The following MYO3A variants were observed in gnomAD, a reference collection of about 807,000 sequenced individuals.
MYO3A encodes myosin-IIIa.
Under a neutral mutation model 192.7 loss-of-function variants are expected in MYO3A, and 180 were observed. The ratio of observed to expected loss-of-function variants is 0.93; its 90% CI spans 0.83 to 1.06. The LOEUF (loss-of-function observed/expected upper bound fraction) is 1.06. MYO3A is among the 50% of genes least tolerant of loss of function. MYO3A has a pLI of 0.00. For missense variants in MYO3A, 1,896 were observed against 1,905.0 expected (o/e 1.00, Z 0.09); for synonymous variants, 628 against 645.3 (o/e 0.97, Z 0.41).
Position 26,181,142 on chromosome 10 carries a change from G to T in MYO3A, c.4438+4297G>T, listed in dbSNP as rs78748285. 9.1e-3 allele frequency among the ~76,000 whole-genome samples: 1,381 copies of T among 152,168 alleles called. 33 individuals carry two copies. Among genetic ancestry groups the T allele is most frequent in the African/African-American group, 0.032 (1,327 of 41,544 alleles). On this transcript the variant is annotated intron_variant, in intron 31 of 34. Transcript: ENST00000642920. ...AGATACATACGAACAGAAAAGAAAT[G>T]GATGGATAATGCTTAAAATGTCTCT...
chr10:26,088,477 C>T, intron 15 of MYO3A, 72 bp downstream of exon 15: 1 of 1,390,682 alleles, frequency 7.2e-7, no homozygotes, highest in Non-Finnish European at 1.0e-6. Context: ...AGTAAAATGT[C>T]TTTCTCATTC....
intron 15 of MYO3A, among the ~76,000 whole-genome samples, chr10:26,095,721 G>T (rs2131554596): frequency 6.6e-6 from 1 of 152,280 alleles, no homozygotes; most frequent in African/African-American, 2.4e-5. Flanking sequence ...GCAGCATCTG[G>T]AAAATGCTAG....
chr10:25,955,519 G>A (rs1269998726), intron 4 of MYO3A, among the ~76,000 whole-genome samples: 2 of 152,060 alleles, frequency 1.3e-5, no homozygotes, highest in Non-Finnish European at 2.9e-5. Context: ...TCGATACTGA[G>A]TAAGTTGCTA....
intron 10 of MYO3A, among the ~76,000 whole-genome samples, chr10:26,033,858 A>G (rs2131168127): frequency 6.6e-6 from 1 of 152,344 alleles, no homozygotes; most frequent in East Asian, 1.9e-4. Context: ...ACGTTATAGC[A>G]GGAGAAACAG....
chr10:26,057,997 A>G (rs1834218806), intron 10 of MYO3A, among the ~76,000 whole-genome samples: 1 of 152,202 alleles, frequency 6.6e-6, no homozygotes, highest in Non-Finnish European at 1.5e-5. Context: ...CCTATCATCC[A>G]GAGTCCACAG....
chr10:25,938,788 A>G (rs550955038), intron 2 of MYO3A, among the ~76,000 whole-genome samples: 1 of 152,324 alleles, frequency 6.6e-6, no homozygotes, highest in Non-Finnish European at 1.5e-5. Flanking sequence ...ATTTTCATTA[A>G]AAAGTCCTGC....
intron 34 of MYO3A, among the ~76,000 whole-genome samples, chr10:26,206,392 C>T (rs1843948712): frequency 6.7e-6 from 1 of 149,966 alleles, no homozygotes; most frequent in East Asian, 2.0e-4. Context: ...GATTTCATTA[C>T]CTTTGGATAT....
chr10:26,147,474 T>C lies in MYO3A; in HGVS notation c.2550T>C (p.Thr850=). 1 of 1,613,924 alleles carries C rather than the reference T, an allele frequency of 6.2e-7. No individual in the cohort carries two copies. Residue 850 remains threonine, a synonymous_variant, in exon 23 of 35, where the codon ACT becomes ACC. Coordinates refer to ENST00000642920, the MANE Select transcript of MYO3A (RefSeq NM_017433.5). ...ASGFLAKNRD[T]LPTDIVLLLR... ...GATTCTTAGCCAAAAACAGAGACACTCTTCCTACTGACATTGTGCTACTTT... is the reference window on the plus strand; with the variant it reads ...GATTCTTAGCCAAAAACAGAGACACCCTTCCTACTGACATTGTGCTACTTT...
intron 18 of MYO3A, among the ~76,000 whole-genome samples, chr10:26,123,903 G>A (rs951870699): frequency 1.3e-5 from 2 of 150,780 alleles, no homozygotes; most frequent in Non-Finnish European, 3.0e-5. Flanking sequence ...TCCAGCCTGG[G>A]TGACAGAGCA....
At chr10:26,084,646 G>A (rs1836191384) in intron 14 of MYO3A, among the ~76,000 whole-genome samples, 1 of 152,160 alleles carries the variant, frequency 6.6e-6, no homozygotes, top group Non-Finnish European at 1.5e-5. Context: ...TGGGACTACA[G>A]GCATGTGCCA....
intron 34 of MYO3A, among the ~76,000 whole-genome samples, chr10:26,207,548 T>C (rs1480751747): frequency 6.6e-6 from 1 of 152,210 alleles, no homozygotes; most frequent in Non-Finnish European, 1.5e-5. Context: ...CCTTTCCCCA[T>C]TGTGTGTTTT....
intron 10 of MYO3A, among the ~76,000 whole-genome samples, chr10:26,048,749 G>A (rs1402534535): frequency 6.6e-6 from 1 of 152,212 alleles, no homozygotes; most frequent in Admixed American, 6.5e-5. Flanking sequence ...TATCAAAGTA[G>A]AGTTATCAAG....
At chr10:26,203,628 C>T (rs1843778122) in intron 34 of MYO3A, among the ~76,000 whole-genome samples, 1 of 152,176 alleles carries the variant, frequency 6.6e-6, no homozygotes, top group African/African-American at 2.4e-5. Context: ...TATTTTGTAG[C>T]TTATTTCATA....
Position 26,174,429 on chromosome 10 carries a change from A to G in MYO3A, c.4165A>G (p.Asn1389Asp). The G allele has an allele frequency of 6.2e-7, 1 of 1,614,244 alleles. No homozygotes were observed. Among genetic ancestry groups the G allele is most frequent in the Non-Finnish European group, 8.5e-7 (1 of 1,180,040 alleles). ...CACAACACCAACAGAAGTAGCAAGA[A>G]ACACTCATAATTTGTATTCCTATCC... Reference protein sequence around the residue: ...IVTTPTEVARNTHNLYSYPTK... With the variant: ...IVTTPTEVARDTHNLYSYPTK... The change falls in exon 30 of 35, where the codon AAC (asparagine) becomes GAC (aspartate). Residue 1389 changes from asparagine to aspartate, a missense_variant. Physicochemically the swap from Asn to Asp is conservative, Grantham distance 23 (BLOSUM62 1). Transcript: ENST00000642920.
chr10:26,203,206 C>G, intron 34 of MYO3A, 99 bp downstream of exon 34: 1 of 1,286,582 alleles, frequency 7.8e-7, no homozygotes. Context: ...TGACAAAGCA[C>G]TCTTACTGAA....
chr10:26,000,052 C>T (rs1358532012), intron 6 of MYO3A, among the ~76,000 whole-genome samples: 1 of 152,132 alleles, frequency 6.6e-6, no homozygotes, highest in Non-Finnish European at 1.5e-5. Context: ...ACACTGCAGC[C>T]AGGGGGATCC....
chr10:26,061,937 GTTATAC>G (rs1483369542), intron 10 of MYO3A, among the ~76,000 whole-genome samples: 1 of 152,098 alleles, frequency 6.6e-6, no homozygotes, highest in African/African-American at 2.4e-5. Context: ...ATCAAAAATG[GTTATAC>G]TTATAAGAAT....
intron 31 of MYO3A, among the ~76,000 whole-genome samples, chr10:26,189,963 T>C (rs996383457): frequency 1.3e-5 from 2 of 152,086 alleles, no homozygotes; most frequent in Non-Finnish European, 2.9e-5. Context: ...CTTGGGAGAA[T>C]GAGGCAGGAG....
intron 10 of MYO3A, among the ~76,000 whole-genome samples, chr10:26,061,440 G>A (rs1049201714): frequency 1.1e-4 from 17 of 148,794 alleles, no homozygotes; most frequent in Non-Finnish European, 2.1e-4. Flanking sequence ...TGAAGGATAC[G>A]TAGAATTTTG....
Sources: allele counts gnomAD v4.1 joint callset (sites outside exome capture counted in the v4.1 genomes callset), GRCh38; gene constraint gnomAD v4.1.1; transcripts MANE v1.5; gene names NCBI Gene and HGNC (gene_info 2026-07-23, HGNC 2026-07-21).